Variants in ZNF670 observed in about 807,000 individuals in gnomAD.
The protein encoded by ZNF670 is zinc finger protein 670.
In ZNF670, 7 loss-of-function variants were observed where a neutral mutation model predicts 10.9. The observed-to-expected ratio is 0.64, with a 90% CI of 0.36 to 1.20. ZNF670 has a LOEUF of 1.20. Among genes scored for constraint, ZNF670 ranks in the 50% most tolerant of loss-of-function variants. ZNF670 has a pLI of 0.02. For missense variants in ZNF670, 446 were observed against 458.6 expected (o/e 0.97, Z 0.25); for synonymous variants, 136 against 152.7 (o/e 0.89, Z 0.81).
In ZNF670 at chr1:247,078,787, C is replaced by G. The variant is rs549064557; in HGVS notation, c.-191G>C. On this transcript the variant is annotated 5_prime_UTR_variant, in exon 1 of 4. Coordinates refer to ENST00000366503, the MANE Select transcript of ZNF670 (RefSeq NM_033213.5). The stretch of plus-strand genomic sequence containing the variant: ...CGCGCCAGGTCCCGGAAGCTGCTCC[C>G]TCCTTTCGCGGCGCGCTTGAGAGTA... 7.3e-4 allele frequency: 451 copies of G among 618,816 alleles called. 3 individuals are homozygous for G. In the East Asian group the frequency reaches 0.011, roughly 15 times the overall value. 38.3% of individuals were successfully genotyped at this position (618,816 alleles called of 1,614,324 possible). A position where few individuals can be genotyped will look rare whatever the true frequency, so the allele number is the denominator to read the frequency against.
chr1:247,055,114 T>G, intron 1 of ZNF670, among the ~76,000 whole-genome samples: 1 of 152,186 alleles, frequency 6.6e-6, no homozygotes, highest in East Asian at 1.9e-4. Context: ...CCTTTGTGCC[T>G]AAGACATACC....
intron 1 of ZNF670, among the ~76,000 whole-genome samples, chr1:247,042,032 T>C (rs1670322551): frequency 6.6e-6 from 1 of 152,242 alleles, no homozygotes; most frequent in Admixed American, 6.5e-5. Context: ...GAATCTTAAT[T>C]ATAATTTCCA....
chr1:247,075,725 T>C (rs1423773137), intron 1 of ZNF670, among the ~76,000 whole-genome samples: 1 of 152,238 alleles, frequency 6.6e-6, no homozygotes, highest in Non-Finnish European at 1.5e-5. Context: ...TCCCCAGCCA[T>C]GTGGAAATAT....
rs1670120532 is a variant in ZNF670 at position 247,035,227 on chromosome 1, T to C, written c.*2222A>G. 1.3e-5 allele frequency among the ~76,000 whole-genome samples: 2 copies of C among 152,172 alleles called. No homozygotes were observed. The highest frequency in any genetic ancestry group is 2.9e-5 in the Non-Finnish European group (2 of 68,018). ...CAGTCTCATGGGTGACAGGAAAAATTAGGACCCTAAGACTACTGGGAAAAA... is the reference window on the plus strand; with the variant it reads ...CAGTCTCATGGGTGACAGGAAAAATCAGGACCCTAAGACTACTGGGAAAAA... On this transcript the variant is annotated 3_prime_UTR_variant, in exon 4 of 4. Transcript: ENST00000366503.
intron 1 of ZNF670, among the ~76,000 whole-genome samples, chr1:247,077,460 T>C (rs1015906383): frequency 6.6e-6 from 1 of 152,222 alleles, no homozygotes; most frequent in African/African-American, 2.4e-5. Flanking sequence ...TCTGGTAAGA[T>C]GTGCACACTC....
intron 1 of ZNF670, among the ~76,000 whole-genome samples, chr1:247,070,592 G>T (rs1671092007): frequency 6.6e-6 from 1 of 152,190 alleles, no homozygotes; most frequent in Non-Finnish European, 1.5e-5. Context: ...TCATGACAAA[G>T]TCTCCAAAAG....
chr1:247,078,201 A>G (rs1671297788), intron 1 of ZNF670, among the ~76,000 whole-genome samples: 1 of 152,146 alleles, frequency 6.6e-6, no homozygotes, highest in Admixed American at 6.5e-5. Flanking sequence ...ACTCCTTAAT[A>G]TTTTAACGGC....
At chr1:247,072,481 A>G (rs1209386232) in intron 1 of ZNF670, among the ~76,000 whole-genome samples, 1 of 151,560 alleles carries the variant, frequency 6.6e-6, no homozygotes, top group Non-Finnish European at 1.5e-5. Flanking sequence ...AAATTAATAT[A>G]TACTTAAAAA....
At chr1:247,070,693 G>A (rs1263868448) in intron 1 of ZNF670, among the ~76,000 whole-genome samples, 1 of 152,132 alleles carries the variant, frequency 6.6e-6, no homozygotes, top group Admixed American at 6.5e-5. Flanking sequence ...AGAGTAAACA[G>A]ACAACCTACA....
intron 1 of ZNF670, among the ~76,000 whole-genome samples, chr1:247,046,475 G>A (rs1366495255): frequency 2.0e-4 from 31 of 152,190 alleles, no homozygotes; most frequent in Admixed American, 2.0e-3. Flanking sequence ...GGTTCCAGAG[G>A]GCACAAGCCA....
intron 1 of ZNF670, among the ~76,000 whole-genome samples, chr1:247,071,317 T>C (rs1391048790): frequency 6.6e-6 from 1 of 152,230 alleles, no homozygotes; most frequent in Non-Finnish European, 1.5e-5. Context: ...TCACGCCCTT[T>C]GCAGCAACAT....
chr1:247,061,798 A>G (rs983274310), intron 1 of ZNF670, among the ~76,000 whole-genome samples: 6 of 152,222 alleles, frequency 3.9e-5, no homozygotes, highest in African/African-American at 1.4e-4. Context: ...GGAGTATTAT[A>G]CACTGAATGT....
Position 247,036,072 on chromosome 1 carries a change from C to A in ZNF670, c.*1377G>T, listed in dbSNP as rs1178995712. Among the ~76,000 whole-genome samples the A allele has an allele frequency of 6.6e-6, 1 of 152,060 alleles. No individual in the cohort carries two copies. Among genetic ancestry groups the A allele is most frequent in the East Asian group, 1.9e-4 (1 of 5,198 alleles). ...TATTCCATGATGAAGACAAATTTCA[C>A]CCAGATAACCATAATATATTTATAT... On this transcript the variant is annotated 3_prime_UTR_variant, in exon 4 of 4. Coordinates refer to ENST00000366503, the MANE Select transcript of ZNF670 (RefSeq NM_033213.5).
intron 1 of ZNF670, among the ~76,000 whole-genome samples, chr1:247,059,292 A>C (rs1274375473): frequency 6.6e-6 from 1 of 151,760 alleles, no homozygotes; most frequent in Non-Finnish European, 1.5e-5. Flanking sequence ...ATACAAAAAA[A>C]AAAATTAGCC....
rs574721698 is a variant in ZNF670, at chr1:247,036,416, G to C, written c.*1033C>G. On this transcript the variant is annotated 3_prime_UTR_variant, in exon 4 of 4. Coordinates refer to ENST00000366503, the MANE Select transcript of ZNF670 (RefSeq NM_033213.5). ...GTCAGTAACCCCAACATGTAGACAG[G>C]CTGAGGCAGGAGGATAGCTTGAGGC... Among the ~76,000 whole-genome samples the C allele has an allele frequency of 2.2e-4, 33 of 152,304 alleles. No homozygotes were observed. The highest frequency in any genetic ancestry group is 7.9e-4 in the African/African-American group (33 of 41,554).
intron 1 of ZNF670, among the ~76,000 whole-genome samples, chr1:247,067,715 G>A (rs184608663): frequency 0.13 from 19,421 of 148,050 alleles, 1,436 homozygotes; most frequent in Middle Eastern, 0.23. Flanking sequence ...AGTGGCGGGC[G>A]CCTGTAGTCC....
chr1:247,072,911 A>T (rs1671172622), intron 1 of ZNF670, among the ~76,000 whole-genome samples: 1 of 149,786 alleles, frequency 6.7e-6, no homozygotes, highest in African/African-American at 2.5e-5. Context: ...TAATAGTAAC[A>T]TTAAGCTACT....
chr1:247,038,946 C>T (rs1670235579), intron 2 of ZNF670, 76 bp from the exon 3 acceptor site: 4 of 1,140,970 alleles, frequency 3.5e-6, no homozygotes, highest in Non-Finnish European at 5.0e-6. Context: ...TCACTATACA[C>T]TGTGACCATA....
intron 1 of ZNF670, among the ~76,000 whole-genome samples, chr1:247,067,349 T>A (rs975058058): frequency 6.7e-6 from 1 of 148,614 alleles, no homozygotes; most frequent in Non-Finnish European, 1.5e-5. Flanking sequence ...CACAGGAGAA[T>A]CGCTTGAACC....
Sources: gnomAD v4.1 joint callset for allele counts (sites outside exome capture counted in the v4.1 genomes callset) on GRCh38, gnomAD v4.1.1 for gene constraint, MANE v1.5 for transcripts, NCBI Gene and HGNC (gene_info 2026-07-23, HGNC 2026-07-21) for gene names.